The following RB1 variants were observed in gnomAD, a reference collection of about 807,000 sequenced individuals.
RB1 encodes the protein RB transcriptional corepressor 1.
In RB1, 18 loss-of-function variants were observed where a neutral mutation model predicts 135.4. The ratio of observed to expected loss-of-function variants is 0.13; its 90% CI spans 0.09 to 0.20. RB1 has a LOEUF of 0.20. Ranked by LOEUF, RB1 falls within the 10% of genes least tolerant of loss-of-function variation. The pLI, the probability that RB1 is intolerant of heterozygous loss-of-function variation, is 1.00. For missense variants in RB1, 868 were observed against 1,110.0 expected (o/e 0.78, Z 3.10); for synonymous variants, 365 against 373.2 (o/e 0.98, Z 0.25).
intron 2 of RB1, among the ~76,000 whole-genome samples, chr13:48,339,019 A>T (rs1952414555): frequency 6.6e-6 from 1 of 152,016 alleles, no homozygotes; most frequent in African/African-American, 2.4e-5. Context: ...TTGCTACCTG[A>T]TCGTTCCTCT....
chr13:48,334,672 G>A (rs544671972), intron 2 of RB1, among the ~76,000 whole-genome samples: 3 of 152,250 alleles, frequency 2.0e-5, no homozygotes, highest in South Asian at 2.1e-4. Flanking sequence ...AGTTGTGACA[G>A]CATACATAGT....
At chr13:48,386,840 T>C (rs1948574609) in intron 17 of RB1, among the ~76,000 whole-genome samples, 1 of 152,188 alleles carries the variant, frequency 6.6e-6, no homozygotes, top group Non-Finnish European at 1.5e-5. Context: ...TATTTCCAAA[T>C]GACCAAATAC....
intron 17 of RB1, among the ~76,000 whole-genome samples, chr13:48,402,996 T>C (rs1948706896): frequency 6.6e-6 from 1 of 152,116 alleles, no homozygotes; most frequent in Non-Finnish European, 1.5e-5. Flanking sequence ...ACCTTTTTTA[T>C]ATATAAAACC....
intron 9 of RB1, 81 bp from the exon 10 acceptor site, chr13:48,367,413 T>C: frequency 6.8e-7 from 1 of 1,472,272 alleles, no homozygotes; most frequent in East Asian, 2.4e-5. Flanking sequence ...ACAAAAATTC[T>C]TTAATGAAAT....
rs191893350 is a variant in RB1, at chr13:48,458,128, T to C, written c.1961-1560T>C. The stretch of plus-strand genomic sequence containing the variant: ...GGGGTTCCTGCTTGTCCCCGGCTCC[T>C]CCGGGCTTCCTGGAGCGTGCCGCCC... On this transcript the variant is annotated intron_variant, in intron 19 of 26. Coordinates refer to ENST00000267163, the MANE Select transcript of RB1 (RefSeq NM_000321.3). Among the ~76,000 whole-genome samples the C allele has an allele frequency of 4.1e-4, 63 of 152,342 alleles. No homozygotes were observed. In the East Asian group the frequency reaches 0.011, roughly 27 times the overall value.
At chr13:48,343,924 C>A (rs1047999354) in intron 3 of RB1, among the ~76,000 whole-genome samples, 1 of 152,210 alleles carries the variant, frequency 6.6e-6, no homozygotes, top group Non-Finnish European at 1.5e-5. Context: ...GGTTCCCCTG[C>A]TGATTAGCTG....
At chr13:48,356,553 G>T (rs1952593620) in intron 6 of RB1, among the ~76,000 whole-genome samples, 1 of 151,852 alleles carries the variant, frequency 6.6e-6, no homozygotes, top group Non-Finnish European at 1.5e-5. Context: ...TTTGAAGAAG[G>T]TTACTATCTT....
chr13:48,325,187 G>T (rs1369856906), intron 2 of RB1, among the ~76,000 whole-genome samples: 1 of 151,994 alleles, frequency 6.6e-6, no homozygotes, highest in Non-Finnish European at 1.5e-5. Context: ...GTGTCCATGT[G>T]TTCTCATTAT....
intron 18 of RB1, 50 bp from the exon 19 acceptor site, chr13:48,456,154 G>C: frequency 6.2e-7 from 1 of 1,609,746 alleles, no homozygotes. Flanking sequence ...TGTATAATCT[G>C]TGATTCTTAG....
intron 2 of RB1, among the ~76,000 whole-genome samples, chr13:48,331,002 T>C (rs749066561): frequency 6.6e-6 from 1 of 152,204 alleles, no homozygotes; most frequent in Non-Finnish European, 1.5e-5. Flanking sequence ...AATCTATAAA[T>C]ATACCACTTC....
At chr13:48,442,443 T>C (rs1949247572) in intron 17 of RB1, among the ~76,000 whole-genome samples, 1 of 152,200 alleles carries the variant, frequency 6.6e-6, no homozygotes, top group Non-Finnish European at 1.5e-5. Context: ...TTATTCATTT[T>C]GCAAATATTC....
At chr13:48,368,122 G>A (rs1457003684) in intron 10 of RB1, among the ~76,000 whole-genome samples, 1 of 152,130 alleles carries the variant, frequency 6.6e-6, no homozygotes, top group Non-Finnish European at 1.5e-5. Context: ...TAATTTAGAA[G>A]TTAAACACAG....
rs548757025 is a variant in RB1, at chr13:48,479,500, T to C, written c.2714-498T>C. Among the ~76,000 whole-genome samples the C allele has an allele frequency of 2.0e-5, 3 of 152,286 alleles. No homozygotes were observed. The East Asian group carries it at 5.8e-4, about 29-fold the overall frequency. On this transcript the variant is annotated intron_variant, in intron 26 of 26. Transcript: ENST00000267163. ...TGGGGTACATAAAGTAGAAGTTCTA[T>C]TTATCTCATTTTAATGTTTGCTTGG...
chr13:48,330,954 A>C (rs1952329340), intron 2 of RB1, among the ~76,000 whole-genome samples: 1 of 152,214 alleles, frequency 6.6e-6, no homozygotes, highest in South Asian at 2.1e-4. Flanking sequence ...ATGAAATTGG[A>C]TTTATCTCTG....
At chr13:48,313,490 T>C (rs994640501) in intron 2 of RB1, among the ~76,000 whole-genome samples, 16 of 151,314 alleles carry the variant, frequency 1.1e-4, no homozygotes, top group Non-Finnish European at 7.4e-5. Flanking sequence ...AAAAGTCATA[T>C]GGTTTTTAGT....
At chr13:48,341,105 C>T (rs1263014838) in intron 2 of RB1, 1 of 152,098 alleles carries the variant, frequency 6.6e-6, no homozygotes, top group Non-Finnish European at 1.5e-5. Context: ...GTTCCGCAGG[C>T]AACTACAGAT....
intron 6 of RB1, among the ~76,000 whole-genome samples, chr13:48,356,344 T>C (rs916248993): frequency 6.6e-6 from 1 of 152,058 alleles, no homozygotes; most frequent in African/African-American, 2.4e-5. Context: ...CTTTAAAATA[T>C]AAAAATTAAT....
At chr13:48,421,644 C>T (rs1375746470) in intron 17 of RB1, among the ~76,000 whole-genome samples, 1 of 152,110 alleles carries the variant, frequency 6.6e-6, no homozygotes, top group Non-Finnish European at 1.5e-5. Flanking sequence ...AGTCCAGAAT[C>T]TACAAGGAAC....
chr13:48,331,560 A>G (rs1396502342), intron 2 of RB1, among the ~76,000 whole-genome samples: 1 of 152,160 alleles, frequency 6.6e-6, no homozygotes, highest in East Asian at 1.9e-4. Flanking sequence ...GACTCTGAGG[A>G]CTCACAGCTA....
Sources: allele counts gnomAD v4.1 joint callset (sites outside exome capture counted in the v4.1 genomes callset), GRCh38; gene constraint gnomAD v4.1.1; transcripts MANE v1.5; gene names NCBI Gene and HGNC (gene_info 2026-07-23, HGNC 2026-07-21).